The following MTERF4 variants were observed in gnomAD, a reference collection of about 807,000 sequenced individuals.
The protein encoded by MTERF4 is transcription termination factor 4, mitochondrial.
Under a neutral mutation model 22.5 loss-of-function variants are expected in MTERF4, and 17 were observed. That is an observed-to-expected ratio of 0.75 (90% CI 0.52 to 1.13). The LOEUF (loss-of-function observed/expected upper bound fraction) is 1.13, where lower values mean the gene tolerates loss of function less well. Ranked by LOEUF, MTERF4 falls within the 50% of genes most tolerant of loss-of-function variation. The probability of loss-of-function intolerance (pLI) is 0.00; values close to 1 mark genes in which losing one functional copy is unlikely to be tolerated. For missense variants in MTERF4, 420 were observed against 466.8 expected, an observed-to-expected ratio of 0.90 and a Z score of 0.92; for synonymous variants, 165 against 175.3, an observed-to-expected ratio of 0.94 and a Z score of 0.47.
downstream of MTERF4, chr2:241,090,520 T>C (rs758988714): frequency 3.4e-6 from 5 of 1,454,246 alleles, no homozygotes; most frequent in Non-Finnish European, 4.6e-6. Context: ...AAGTATTATG[T>C]ACTCTACATA....
the MTERF4 span, among the ~76,000 whole-genome samples, chr2:241,058,949 C>CAA: frequency 1.5e-5 from 2 of 130,852 alleles, no homozygotes; most frequent in African/African-American, 5.6e-5. Flanking sequence ...GACTCTGTTT[C>CAA]AAAAAAAAAA....
the MTERF4 span, among the ~76,000 whole-genome samples, chr2:241,045,637 C>T: frequency 6.7e-6 from 1 of 148,346 alleles, no homozygotes; most frequent in Admixed American, 6.7e-5. Flanking sequence ...ACACCTTATA[C>T]AAAGATTAAC....
chr2:241,066,687 CT>C, the MTERF4 span, among the ~76,000 whole-genome samples: 3 of 152,142 alleles, frequency 2.0e-5, no homozygotes, highest in African/African-American at 7.2e-5. Flanking sequence ...CAGCAGGGCC[CT>C]GCGGGGCGGC....
At chr2:241,070,327 TAGC>T (rs1000703189), downstream of MTERF4, 1 of 1,022,014 alleles carries the variant, frequency 9.8e-7, no homozygotes, top group African/African-American at 1.6e-5. Context: ...AGGACCGTGT[TAGC>T]AGGGGAGGAG....
At chr2:241,089,946 TA>T (rs1435294576), downstream of MTERF4, 1 of 1,542,650 alleles carries the variant, frequency 6.5e-7, no homozygotes, top group Non-Finnish European at 8.7e-7. Context: ...AAACCTACAG[TA>T]AAAATAGATA....
the MTERF4 span, chr2:241,052,450 G>A: frequency 6.2e-7 from 1 of 1,609,730 alleles, no homozygotes; most frequent in African/African-American, 1.3e-5. Flanking sequence ...AGGGTACATG[G>A]GACGCCGGTG....
chr2:241,063,390 C>T, the MTERF4 span: 44 of 603,946 alleles, frequency 7.3e-5, no homozygotes, highest in Non-Finnish European at 2.1e-5. Context: ...GGGGCTTTGC[C>T]AGCAGGCAGT....
At chr2:241,051,892 G>A in the MTERF4 span, 1 of 1,512,366 alleles carries the variant, frequency 6.6e-7, no homozygotes, top group Non-Finnish European at 8.9e-7. This position sits in a 1 kb window ranked among gnomAD's most constrained non-coding sequence, Gnocchi z 4.7. Context: ...GGGAGGGCAG[G>A]AACGACGGGC....
chr2:241,069,782 G>A (rs1055377124), downstream of MTERF4: 12 of 988,276 alleles, frequency 1.2e-5, no homozygotes, highest in Admixed American at 2.6e-5. This position sits in a 1 kb window ranked among gnomAD's most constrained non-coding sequence, Gnocchi z 4.9. Context: ...ACCCCGCCTC[G>A]GCACTGTACC....
At chr2:241,101,068 G>A (rs987981881) in intron 1 of MTERF4, 3 of 433,414 alleles carry the variant, frequency 6.9e-6, no homozygotes, top group African/African-American at 4.1e-5. Flanking sequence ...GACTGGTGAG[G>A]GGTTTCAGGA....
chr2:241,069,773 C>G, downstream of MTERF4: 1 of 918,934 alleles, frequency 1.1e-6, no homozygotes, highest in Non-Finnish European at 1.6e-6. The surrounding 1 kb of genome is among the most constrained non-coding windows in gnomAD (Gnocchi z 4.9). Flanking sequence ...CCAGCCCACA[C>G]CCCGCCTCGG....
At chr2:241,078,516 G>T (rs566876828) in intron 4 of MTERF4, among the ~76,000 whole-genome samples, 1 of 151,974 alleles carries the variant, frequency 6.6e-6, no homozygotes, top group South Asian at 2.1e-4. Flanking sequence ...TTGAAAACAT[G>T]CTAAGTGGAA....
the MTERF4 span, among the ~76,000 whole-genome samples, chr2:241,054,125 T>C: frequency 2.1e-5 from 2 of 97,070 alleles, no homozygotes; most frequent in African/African-American, 1.2e-4. Flanking sequence ...CCTTTCCTTC[T>C]GGGATTTCAA....
downstream of MTERF4, chr2:241,068,000 T>A: frequency 7.0e-7 from 1 of 1,434,854 alleles, no homozygotes; most frequent in Non-Finnish European, 9.7e-7. Flanking sequence ...GGGTGGGGGC[T>A]CGGGGACACG....
chr2:241,095,035 CT>C (rs1298591902), downstream of MTERF4: 2 of 147,056 alleles, frequency 1.4e-5, no homozygotes, highest in African/African-American at 5.1e-5. Flanking sequence ...GTTCTTCGGA[CT>C]CATTGAGTTC....
downstream of MTERF4, among the ~76,000 whole-genome samples, chr2:241,083,833 T>C (rs544365270): frequency 2.6e-5 from 4 of 152,170 alleles, no homozygotes; most frequent in Non-Finnish European, 5.9e-5. Context: ...CTGGTTTTTA[T>C]TGGAGTATTT....
intron 4 of MTERF4, among the ~76,000 whole-genome samples, chr2:241,076,176 G>T (rs2063011437): frequency 6.6e-6 from 1 of 152,126 alleles, no homozygotes; most frequent in South Asian, 2.1e-4. Flanking sequence ...CTATGGAAAA[G>T]GCCTTTGAGA....
downstream of MTERF4, chr2:241,090,055 A>AAATT (rs2063822252): frequency 6.5e-7 from 1 of 1,533,922 alleles, no homozygotes; most frequent in African/African-American, 1.4e-5. Context: ...CTGCAATAAG[A>AAATT]AATTAACCTT....
chr2:241,063,543 C>G, the MTERF4 span: 4 of 1,380,222 alleles, frequency 2.9e-6, no homozygotes, highest in South Asian at 3.7e-5. Flanking sequence ...GTGGGCGCCT[C>G]AGACTTGAGC....
Sources: gnomAD v4.1 joint callset for allele counts (sites outside exome capture counted in the v4.1 genomes callset) on GRCh38, gnomAD v4.1.1 for gene constraint, Gnocchi (gnomAD v3.1) non-coding constraint, MANE v1.5 for transcripts, NCBI Gene and HGNC (gene_info 2026-07-23, HGNC 2026-07-21) for gene names.